NECAB2: variants seen among roughly 807,000 people sequenced by gnomAD.
The protein encoded by NECAB2 is N-terminal EF-hand calcium binding protein 2.
A neutral mutation model predicts 51.9 loss-of-function variants in NECAB2; 68 were observed. The observed-to-expected ratio is 1.31, with a 90% CI of 1.08 to 1.60. NECAB2 has a LOEUF of 1.60. NECAB2 is among the 40% of genes most tolerant of loss of function. The probability of loss-of-function intolerance (pLI) is 0.00; values close to 1 mark genes in which losing one functional copy is unlikely to be tolerated. For missense variants in NECAB2, 854 were observed against 490.3 expected (o/e 1.74, Z -7.00); for synonymous variants, 329 against 203.5 (o/e 1.62, Z -5.25).
At chr16:83,995,951 C>G (rs7342695) in intron 8 of NECAB2, among the ~76,000 whole-genome samples, 1 of 152,092 alleles carries the variant, frequency 6.6e-6, no homozygotes, top group East Asian at 1.9e-4. Context: ...AGCACCGTCG[C>G]CCTAACAACC....
In NECAB2 at chr16:83,981,039, T is replaced by C. The variant is rs367687753; in HGVS notation, c.371T>C (p.Val124Ala). 61 of 1,614,142 alleles carry C rather than the reference T, an allele frequency of 3.8e-5. No individual in the cohort carries two copies. Among genetic ancestry groups the C allele is most frequent in the Admixed American group, 5.0e-5 (3 of 60,020 alleles). ...GCCTTTCCTTCCCCAGATTACTTTGTGGACCACATGGGTGACTATGAGGAT... is the reference window on the plus strand; with the variant it reads ...GCCTTTCCTTCCCCAGATTACTTTGCGGACCACATGGGTGACTATGAGGAT... The part of the protein sequence containing the change: ...VDTKELCDYF[V>A]DHMGDYEDVL... The change falls in exon 5 of 13, where the codon GTG becomes GCG. Residue 124 changes from valine to alanine, a missense_variant. Coordinates refer to ENST00000305202, the MANE Select transcript of NECAB2 (RefSeq NM_019065.3).
rs145066226 is a variant in NECAB2, at chr16:83,996,674, G to A, written c.796-542G>A. ...GCCTTCAGAGCCGGGGTTCTCTGCC[G>A]TGACATAGTGACTGTTGATCTTCTG... On this transcript the variant is annotated intron_variant, in intron 8 of 12. Transcript: ENST00000305202. Among the ~76,000 whole-genome samples, 849 of 152,228 alleles carry A rather than the reference G, an allele frequency of 5.6e-3. 10 individuals carry two copies. The highest frequency in any genetic ancestry group is 0.019 in the African/African-American group (808 of 41,512).
intron 6 of NECAB2, among the ~76,000 whole-genome samples, chr16:83,992,921 C>T (rs556580904): frequency 2.0e-5 from 3 of 152,070 alleles, no homozygotes; most frequent in African/African-American, 2.4e-5. Flanking sequence ...CTGTTTTTCT[C>T]CTGCCGCAGA....
chr16:83,984,883 A>C (rs974177138), intron 5 of NECAB2, among the ~76,000 whole-genome samples: 99 of 152,188 alleles, frequency 6.5e-4, no homozygotes, highest in African/African-American at 2.1e-3. Context: ...ATTTCATGAC[A>C]TGTTTTCTTA....
At chr16:83,986,312 C>T (rs1395935566) in intron 5 of NECAB2, among the ~76,000 whole-genome samples, 1 of 152,202 alleles carries the variant, frequency 6.6e-6, no homozygotes, top group Non-Finnish European at 1.5e-5. Flanking sequence ...CCACTGCGCC[C>T]AGCCCAAAGA....
In NECAB2 at chr16:83,975,370, G is replaced by A. The variant is rs563122252; in HGVS notation, c.227-3074G>A. On this transcript the variant is annotated intron_variant, in intron 2 of 12. Coordinates refer to ENST00000305202, the MANE Select transcript of NECAB2 (RefSeq NM_019065.3). ...GGTGTGCAGGGATGAGAACAGGTGT[G>A]CAGGGGGTGCAGATGTGGAGGCCGA... Among the ~76,000 whole-genome samples, 9 of 152,206 alleles carry A rather than the reference G, an allele frequency of 5.9e-5. No homozygotes were observed. In the East Asian group the frequency reaches 1.5e-3, roughly 26 times the overall value.
chr16:83,994,716 ACTC>A, intron 8 of NECAB2, 28 bp downstream of exon 8: 1 of 1,611,000 alleles, frequency 6.2e-7, no homozygotes, highest in Non-Finnish European at 8.5e-7. Context: ...CACGGCGTCT[ACTC>A]CTTCCAACCC....
chr16:83,966,789 A>T (rs769449743), upstream of NECAB2, among the ~76,000 whole-genome samples: 2 of 152,314 alleles, frequency 1.3e-5, no homozygotes, highest in East Asian at 3.9e-4. Context: ...TTCCTCTAGG[A>T]AGCCTCTTCT....
intron 5 of NECAB2, among the ~76,000 whole-genome samples, chr16:83,984,528 C>G (rs13337552): frequency 6.6e-6 from 1 of 151,634 alleles, no homozygotes; most frequent in Non-Finnish European, 1.5e-5. Context: ...TTCAAGACCA[C>G]CCTGGGCAAC....
upstream of NECAB2, chr16:83,965,296 C>T (rs772430274): frequency 7.9e-5 from 126 of 1,598,656 alleles, no homozygotes; most frequent in Non-Finnish European, 9.8e-5. Context: ...GGGCCCGCAA[C>T]GTGGTCCTCG....
chr16:83,968,531 G>A lies in NECAB2; in HGVS notation c.-118G>A, dbSNP rs976726081. ...GTCCCCGCGGTGTCCGCGGCCGCGG[G>A]GGCAGCGGGAGAGAGGGCGGGGCGG... is the stretch of plus-strand genomic sequence containing the variant. On this transcript the variant is annotated 5_prime_UTR_variant, in exon 1 of 13. Coordinates refer to ENST00000305202, the MANE Select transcript of NECAB2 (RefSeq NM_019065.3). The A allele has an allele frequency of 9.5e-6, 8 of 841,962 alleles. No homozygotes were observed. In the African/African-American group the frequency reaches 1.1e-4, roughly 12 times the overall value. The allele number at this position is 841,962 out of a possible 1,614,324, so 52.2% of individuals were successfully genotyped here.
In NECAB2 at chr16:84,002,487, G is replaced by C. The variant is rs2084858393; in HGVS notation, c.*141G>C. 2 of 1,172,290 alleles carry C rather than the reference G, an allele frequency of 1.7e-6. No individual in the cohort carries two copies. The highest frequency in any genetic ancestry group is 2.4e-5 in the East Asian group (1 of 41,378). The allele number at this position is 1,172,290 out of a possible 1,614,324, so 72.6% of individuals were successfully genotyped here. On this transcript the variant is annotated 3_prime_UTR_variant, in exon 13 of 13. Coordinates refer to ENST00000305202, the MANE Select transcript of NECAB2 (RefSeq NM_019065.3). ...CAAGAAGGTGTTTCCCTGTTGTTAA[G>C]TGAAGGAGGCCGCCCCTGCCCCCAC...
intron 3 of NECAB2, among the ~76,000 whole-genome samples, chr16:83,978,897 A>C (rs2084450427): frequency 6.6e-6 from 1 of 152,010 alleles, no homozygotes; most frequent in African/African-American, 2.4e-5. Context: ...CCCCAACCCC[A>C]ATGCCTGTGT....
intron 5 of NECAB2, among the ~76,000 whole-genome samples, chr16:83,984,063 C>T (rs914019242): frequency 4.7e-5 from 7 of 150,172 alleles, no homozygotes; most frequent in African/African-American, 9.8e-5. Context: ...TGGCACAGTC[C>T]CAGCTCACTG....
chr16:83,978,071 C>T (rs1195456753), intron 2 of NECAB2, among the ~76,000 whole-genome samples: 24 of 152,150 alleles, frequency 1.6e-4, no homozygotes, highest in Admixed American at 1.6e-3. Context: ...TGGCAGGGGG[C>T]AGATACTCTA....
chr16:83,998,987 T>C (rs562311466), intron 10 of NECAB2, among the ~76,000 whole-genome samples: 1 of 152,138 alleles, frequency 6.6e-6, no homozygotes, highest in African/African-American at 2.4e-5. Context: ...GCCCCCCGTT[T>C]CTGCAGCAAG....
rs146229536 is a variant in NECAB2, at chr16:83,983,060, G to T, written c.459+1933G>T. ...ATTTTTGTAGTTTTAGTAGAGACGG[G>T]GTTTCACCATGTTGGCCAGGCTGGT... On this transcript the variant is annotated intron_variant, in intron 5 of 12. Transcript: ENST00000305202. 9.0e-3 allele frequency among the ~76,000 whole-genome samples: 1,370 copies of T among 152,044 alleles called. 18 individuals carry two copies. Among genetic ancestry groups the T allele is most frequent in the African/African-American group, 0.032 (1,326 of 41,464 alleles).
chr16:84,001,684 C>T (rs75527519), intron 11 of NECAB2, 141 bp from the exon 12 acceptor site: 28,067 of 786,638 alleles, frequency 0.036, 692 homozygotes, highest in Non-Finnish European at 0.042. Flanking sequence ...CCCTCACCTT[C>T]CCACAAAGGC....
At chr16:83,969,478 C>CA (rs2084325557) in intron 1 of NECAB2, among the ~76,000 whole-genome samples, 1 of 152,088 alleles carries the variant, frequency 6.6e-6, no homozygotes, top group African/African-American at 2.4e-5. Flanking sequence ...TTCCCCACCC[C>CA]GCCCCCTTCC....
Sources: gnomAD v4.1 joint callset for allele counts (sites outside exome capture counted in the v4.1 genomes callset) on GRCh38, gnomAD v4.1.1 for gene constraint, MANE v1.5 for transcripts, NCBI Gene and HGNC (gene_info 2026-07-23, HGNC 2026-07-21) for gene names.